Variants in FARS2 observed in about 807,000 individuals in gnomAD.
FARS2 encodes phenylalanine--tRNA ligase, mitochondrial.
FARS2 carries 40 observed loss-of-function variants against 46.4 expected under a neutral mutation model. The observed-to-expected ratio is 0.86, with a 90% CI of 0.67 to 1.12. The LOEUF (loss-of-function observed/expected upper bound fraction) is 1.12, where lower values mean the gene tolerates loss of function less well. Ranked by LOEUF, FARS2 falls within the 50% of genes most tolerant of loss-of-function variation. The pLI, the probability that FARS2 is intolerant of heterozygous loss-of-function variation, is 0.00. For missense variants in FARS2, 513 were observed against 567.9 expected, an observed-to-expected ratio of 0.90 and a Z score of 0.98; for synonymous variants, 234 against 214.9, an observed-to-expected ratio of 1.09 and a Z score of -0.78.
At chr6:5,507,752 A>G (rs1440196999) in intron 4 of FARS2, among the ~76,000 whole-genome samples, 1 of 152,236 alleles carries the variant, frequency 6.6e-6, no homozygotes, top group Non-Finnish European at 1.5e-5. Flanking sequence ...GACTGCGGAC[A>G]CGCCATGATG....
intron 6 of FARS2, among the ~76,000 whole-genome samples, chr6:5,763,923 G>A (rs1433305390): frequency 6.6e-6 from 1 of 152,044 alleles, no homozygotes; most frequent in Non-Finnish European, 1.5e-5. Context: ...TCCAGGGGAA[G>A]GAATCTCTTC....
intron 1 of FARS2, among the ~76,000 whole-genome samples, chr6:5,299,298 T>C (rs868709950): frequency 1.4e-4 from 22 of 152,224 alleles, no homozygotes; most frequent in Middle Eastern, 3.2e-3. Flanking sequence ...CCTACACTCC[T>C]GTGTATTTAA....
chr6:5,271,567 T>TG lies in FARS2; in HGVS notation c.-22+9907_-22+9908insG, dbSNP rs1217937647. On this transcript the variant is annotated intron_variant, in intron 1 of 6. Coordinates refer to ENST00000274680, the MANE Select transcript of FARS2 (RefSeq NM_006567.5). ...AGAACAGAGACTATGTCTGTTTTTT[T>TG]TTTTTTTTTTTTTGAGGCGGAGTCT... 9.7e-4 allele frequency among the ~76,000 whole-genome samples: 141 copies of TG among 144,850 alleles called. No homozygotes were observed. In the Middle Eastern group the frequency reaches 0.021, roughly 22 times the overall value.
At chr6:5,611,216 G>A (rs1775165300) in intron 5 of FARS2, among the ~76,000 whole-genome samples, 1 of 152,200 alleles carries the variant, frequency 6.6e-6, no homozygotes, top group Non-Finnish European at 1.5e-5. Flanking sequence ...GAGTCTGTGA[G>A]GATACCAAGT....
At chr6:5,484,207 T>A (rs1766643146) in intron 4 of FARS2, among the ~76,000 whole-genome samples, 1 of 152,216 alleles carries the variant, frequency 6.6e-6, no homozygotes, top group South Asian at 2.1e-4. Context: ...CAGAAGGCAG[T>A]GTTCCAAAAG....
At chr6:5,332,819 A>G (rs534362199) in intron 1 of FARS2, among the ~76,000 whole-genome samples, 72 of 152,340 alleles carry the variant, frequency 4.7e-4, no homozygotes, top group Non-Finnish European at 8.4e-4. Context: ...AAACGCTTTC[A>G]TGGGAGGGTC....
At chr6:5,604,067 T>G (rs1774689328) in intron 5 of FARS2, among the ~76,000 whole-genome samples, 1 of 152,130 alleles carries the variant, frequency 6.6e-6, no homozygotes, top group Non-Finnish European at 1.5e-5. Context: ...GGGAGGTGGA[T>G]AGGAGATGGC....
chr6:5,591,371 A>G (rs1326569805), intron 5 of FARS2, among the ~76,000 whole-genome samples: 1 of 152,230 alleles, frequency 6.6e-6, no homozygotes, highest in Non-Finnish European at 1.5e-5. Context: ...AAGAAATCTT[A>G]CGTCCCCTCC....
At chr6:5,331,232 C>G (rs977494236) in intron 1 of FARS2, among the ~76,000 whole-genome samples, 2 of 151,602 alleles carry the variant, frequency 1.3e-5, no homozygotes, top group African/African-American at 4.8e-5. Flanking sequence ...TTTTGCTTGG[C>G]TGTCTTAATC....
chr6:5,532,213 T>C (rs1465911345), intron 4 of FARS2, among the ~76,000 whole-genome samples: 2 of 152,228 alleles, frequency 1.3e-5, no homozygotes, highest in African/African-American at 4.8e-5. Flanking sequence ...TCCTGATGTT[T>C]TGAAATACCT....
chr6:5,605,566 A>G (rs1354573986), intron 5 of FARS2, among the ~76,000 whole-genome samples: 1 of 151,964 alleles, frequency 6.6e-6, no homozygotes, highest in Non-Finnish European at 1.5e-5. Context: ...AACCATAAAA[A>G]CCTCTGAGCA....
intron 6 of FARS2, among the ~76,000 whole-genome samples, chr6:5,769,504 T>C (rs1388913960): frequency 5.9e-5 from 9 of 152,252 alleles, no homozygotes; most frequent in Non-Finnish European, 1.2e-4. Flanking sequence ...AAGACCACTC[T>C]ACTTTGTGGG....
At chr6:5,680,310 G>A (rs979856298) in intron 6 of FARS2, among the ~76,000 whole-genome samples, 1 of 152,148 alleles carries the variant, frequency 6.6e-6, no homozygotes, top group African/African-American at 2.4e-5. Context: ...GAGTAGCCAC[G>A]GGTTAGGCAT....
intron 4 of FARS2, among the ~76,000 whole-genome samples, chr6:5,453,569 T>C (rs1330313911): frequency 1.3e-5 from 2 of 152,228 alleles, no homozygotes; most frequent in East Asian, 1.9e-4. Flanking sequence ...TTCTTACTAG[T>C]ATAATAGGAT....
At position 5,727,204 on chromosome 6, in the gene FARS2, G is replaced by C. The variant is rs766107675; in HGVS notation, c.1218-44087G>C. Among the ~76,000 whole-genome samples, 5 of 152,190 alleles carry C rather than the reference G, an allele frequency of 3.3e-5. No individual in the cohort carries two copies. Among genetic ancestry groups the C allele is most frequent in the Non-Finnish European group, 7.4e-5 (5 of 68,020 alleles). On this transcript the variant is annotated intron_variant, in intron 6 of 6. Coordinates refer to ENST00000274680, the MANE Select transcript of FARS2 (RefSeq NM_006567.5). This position sits in a 1 kb window ranked among gnomAD's most constrained non-coding sequence, Gnocchi z 4.1. ...GGCTGCTGCTGTAGGGGTGGGCATG[G>C]GAGGGGCTGTTCCTCTCATCACTAG...
chr6:5,488,887 G>A (rs1766934825), intron 4 of FARS2, among the ~76,000 whole-genome samples: 1 of 152,062 alleles, frequency 6.6e-6, no homozygotes, highest in Admixed American at 6.5e-5. Flanking sequence ...TTCTTTTAAT[G>A]TTTTCAGTCA....
chr6:5,525,111 C>T (rs531840628), intron 4 of FARS2, among the ~76,000 whole-genome samples: 1 of 151,924 alleles, frequency 6.6e-6, no homozygotes, highest in African/African-American at 2.4e-5. Flanking sequence ...CTCTGAAATT[C>T]CTGGAAAAGA....
intron 1 of FARS2, among the ~76,000 whole-genome samples, chr6:5,318,397 A>AGACC (rs1554162438): frequency 6.9e-6 from 1 of 145,094 alleles, no homozygotes; most frequent in Non-Finnish European, 1.5e-5. Context: ...CAAAAAAAAA[A>AGACC]AAAAAAAAAA....
At chr6:5,605,197 G>A (rs1488967374) in intron 5 of FARS2, among the ~76,000 whole-genome samples, 2 of 152,150 alleles carry the variant, frequency 1.3e-5, no homozygotes, top group East Asian at 3.9e-4. Context: ...AGAGACAAAC[G>A]CAAAGCAGAG....
Sources: gnomAD v4.1 joint callset for allele counts (sites outside exome capture counted in the v4.1 genomes callset) on GRCh38, gnomAD v4.1.1 for gene constraint, Gnocchi (gnomAD v3.1) non-coding constraint, MANE v1.5 for transcripts, NCBI Gene and HGNC (gene_info 2026-07-23, HGNC 2026-07-21) for gene names.